The following CYP2F1 variants were observed in gnomAD, a reference collection of about 807,000 sequenced individuals.
CYP2F1 encodes cytochrome P450 2F1.
CYP2F1 carries 33 observed loss-of-function variants against 40.4 expected under a neutral mutation model. The observed-to-expected ratio is 0.82, with a 90% CI of 0.62 to 1.09. CYP2F1 has a LOEUF of 1.09. Ranked by LOEUF, CYP2F1 falls within the 50% of genes least tolerant of loss-of-function variation. CYP2F1 has a pLI of 0.00. For missense variants in CYP2F1, 566 were observed against 655.7 expected, an observed-to-expected ratio of 0.86 and a Z score of 1.49; for synonymous variants, 235 against 277.2, an observed-to-expected ratio of 0.85 and a Z score of 1.51.
intron 7 of CYP2F1, chr19:41,123,372 C>A (rs1158308955): frequency 8.5e-6 from 3 of 352,344 alleles, no homozygotes; most frequent in African/African-American, 6.4e-5. Context: ...ATTACACCAC[C>A]ACATCCAGCT....
At chr19:41,115,097 G>A (rs777274117) in intron 1 of CYP2F1, among the ~76,000 whole-genome samples, 1 of 151,432 alleles carries the variant, frequency 6.6e-6, no homozygotes, top group Non-Finnish European at 1.5e-5. Context: ...GCCCTTTGCA[G>A]CCTACCCGTC....
intron 9 of CYP2F1, among the ~76,000 whole-genome samples, chr19:41,127,192 C>G (rs946950826): frequency 6.6e-6 from 1 of 152,132 alleles, no homozygotes; most frequent in Non-Finnish European, 1.5e-5. Flanking sequence ...GGAGATAATA[C>G]TAAGGCCTGC....
intron 8 of CYP2F1, 166 bp downstream of exon 8, chr19:41,125,072 C>G: frequency 3.2e-6 from 2 of 631,090 alleles, no homozygotes; most frequent in Non-Finnish European, 5.3e-6. Context: ...TCCAGAAGCT[C>G]AGGCCTTTGC....
chr19:41,126,412 C>A (rs1487401481), intron 9 of CYP2F1, among the ~76,000 whole-genome samples: 1 of 151,314 alleles, frequency 6.6e-6, no homozygotes, highest in African/African-American at 2.4e-5. Flanking sequence ...GCAACAAGAA[C>A]AAAACTCCAT....
At chr19:41,121,201 A>G (rs116692516) in intron 4 of CYP2F1, among the ~76,000 whole-genome samples, 46 of 152,164 alleles carry the variant, frequency 3.0e-4, no homozygotes, top group African/African-American at 1.1e-3. Context: ...TGTGTTGCCA[A>G]GAATAGCCCG....
At chr19:41,122,643 T>G (rs879759521) in intron 6 of CYP2F1, among the ~76,000 whole-genome samples, 179 bp from the exon 7 acceptor site, 8 of 152,058 alleles carry the variant, frequency 5.3e-5, no homozygotes, top group Non-Finnish European at 8.8e-5. Context: ...TCCAAGAAGT[T>G]AATTGTAGGC....
At position 41,122,234 on chromosome 19, in the gene CYP2F1, A is replaced by T. The variant is rs566800420; in HGVS notation, c.822+101A>T. 16 of 1,134,136 alleles carry T rather than the reference A, an allele frequency of 1.4e-5. No homozygotes were observed. The South Asian group carries it at 2.2e-4, about 15-fold the overall frequency. The allele number at this position is 1,134,136 out of a possible 1,614,324, so 70.3% of individuals were successfully genotyped here. A position where few individuals can be genotyped will look rare whatever the true frequency, so the allele number is the denominator to read the frequency against. On this transcript the variant is annotated intron_variant, in intron 6 of 9. Transcript: ENST00000331105. ...ACCCCAGATGGGGCAGGGTTGGGGGACCTTCTCCCTGGAGAAGCTGAAGCA... is the reference window on the plus strand; with the variant it reads ...ACCCCAGATGGGGCAGGGTTGGGGGTCCTTCTCCCTGGAGAAGCTGAAGCA...
Position 41,122,900 on chromosome 19 carries a change from A to T in CYP2F1, c.901A>T (p.Lys301Ter). The change falls in exon 7 of 10, where the codon AAG becomes TAG. Residue 301 changes from lysine (K) to a stop codon, truncating the protein, a stop_gained. Transcript: ENST00000331105. LOFTEE classifies it high-confidence loss of function. ...TTHNLLFGGT[K>*]TVSTTLHHAF... ...ACATAACCTGCTCTTTGGCGGCACC[A>T]AGACGGTGAGCACCACGCTGCACCA... 1 of 1,607,444 alleles carries T rather than the reference A, an allele frequency of 6.2e-7. No homozygotes were observed. The highest frequency in any genetic ancestry group is 1.1e-5 in the South Asian group (1 of 90,126).
rs747217507 is a variant in CYP2F1, at chr19:41,122,039, A to G, written c.728A>G (p.Asp243Gly). Reference sequence around the variant, plus strand: ...TTCCAGAACTTCAAGTGCCTGAGAGACCTCATCGCCCACAGCGTCCACGAC... The same window carrying G: ...TTCCAGAACTTCAAGTGCCTGAGAGGCCTCATCGCCCACAGCGTCCACGAC... ...RIFQNFKCLR[D>G]LIAHSVHDHQ... The change falls in exon 6 of 10, where the codon GAC becomes GGC. Residue 243 changes from aspartate (D) to glycine (G), a missense_variant. Around this residue, in one of 5 missense-constraint regions of CYP2F1, gnomAD observed 62 missense variants for 105.6 expected, o/e 0.59. Coordinates refer to ENST00000331105, the MANE Select transcript of CYP2F1 (RefSeq NM_000774.5). The G allele has an allele frequency of 3.1e-6, 5 of 1,612,138 alleles. No homozygotes were observed. The highest frequency in any genetic ancestry group is 1.3e-5 in the African/African-American group (1 of 74,216).
rs1486324494 is a variant in CYP2F1, at chr19:41,124,746, T to TG, written c.994dup (p.Val332GlyfsTer42). On this transcript the variant is annotated frameshift_variant, in exon 8 of 10. Coordinates refer to ENST00000331105, the MANE Select transcript of CYP2F1 (RefSeq NM_000774.5). LOFTEE classifies it high-confidence loss of function. ...CGCGTGCAGGAGGAGATCGACCTCGTGGTGGGACGCGCGCGGCTGCCGGCG... is the reference window on the plus strand; with the variant it reads ...CGCGTGCAGGAGGAGATCGACCTCGTGGGTGGGACGCGCGCGGCTGCCGGCG... The TG allele has an allele frequency of 1.2e-6, 2 of 1,605,092 alleles. No homozygotes were observed. Among genetic ancestry groups the TG allele is most frequent in the Non-Finnish European group, 1.7e-6 (2 of 1,179,396 alleles).
rs186744518 is a variant in CYP2F1, at chr19:41,122,021, A to T, written c.710A>T (p.Asn237Ile). 112 of 1,612,926 alleles carry T rather than the reference A, an allele frequency of 6.9e-5. 1 individual carries two copies. In the Admixed American group the frequency reaches 1.8e-3, roughly 25 times the overall value. Reference sequence around the variant, plus strand: ...GGGCCGCACCAACGCATCTTCCAGAACTTCAAGTGCCTGAGAGACCTCATC... The same window carrying T: ...GGGCCGCACCAACGCATCTTCCAGATCTTCAAGTGCCTGAGAGACCTCATC... ...VPGPHQRIFQ[N>I]FKCLRDLIAH... Residue 237 changes from asparagine to isoleucine, a missense_variant, in exon 6 of 10, where the codon AAC becomes ATC. By Grantham distance (149) the Asn-to-Ile change is moderately radical (BLOSUM62 -3). Transcript: ENST00000331105.
At position 41,114,816 on chromosome 19, in the gene CYP2F1, C is replaced by G. The variant is rs367902798; in HGVS notation, c.-12+324C>G. On this transcript the variant is annotated intron_variant, in intron 1 of 9. Coordinates refer to ENST00000331105, the MANE Select transcript of CYP2F1 (RefSeq NM_000774.5). Reference sequence around the variant, plus strand: ...TTTTTTTTTTTTTTTTTTTTTGAGGCTGGAGTGCAGTGGTTCAATCTCAGC... The same window carrying G: ...TTTTTTTTTTTTTTTTTTTTTGAGGGTGGAGTGCAGTGGTTCAATCTCAGC... Among the ~76,000 whole-genome samples, 52 of 106,324 alleles carry G rather than the reference C, an allele frequency of 4.9e-4. 1 individual carries two copies. The highest frequency in any genetic ancestry group is 1.7e-3 in the African/African-American group (45 of 27,006). 69.8% of individuals were successfully genotyped at this position (106,324 alleles called of 152,430 possible).
At chr19:41,122,473 C>T (rs2032274024) in intron 6 of CYP2F1, among the ~76,000 whole-genome samples, 1 of 151,966 alleles carries the variant, frequency 6.6e-6, no homozygotes, top group South Asian at 2.1e-4. Flanking sequence ...CTCTACAACA[C>T]ATACGTACAC....
chr19:41,121,312 C>G (rs2144754006), intron 4 of CYP2F1, 146 bp from the exon 5 acceptor site: 1 of 819,202 alleles, frequency 1.2e-6, no homozygotes, highest in Non-Finnish European at 1.9e-6. Flanking sequence ...CGTTAAGCAG[C>G]ATGTTGTGAC....
At position 41,119,748 on chromosome 19, in the gene CYP2F1, T is replaced by TATATATATATATATAC. The variant is rs1337166345; in HGVS notation, c.335-598_335-597insTATATATATATATACA. ...CTATATATATATATATATATATATA[T>TATATATATATATATAC]ACACACACACACACACACACACACA... On this transcript the variant is annotated intron_variant, in intron 3 of 9. Coordinates refer to ENST00000331105, the MANE Select transcript of CYP2F1 (RefSeq NM_000774.5). Among the ~76,000 whole-genome samples, 30 of 36,092 alleles carry TATATATATATATATAC rather than the reference T, an allele frequency of 8.3e-4. 1 individual carries two copies. The highest frequency in any genetic ancestry group is 1.7e-3 in the South Asian group (1 of 578). The allele number at this position is 36,092 out of a possible 152,430, so 23.7% of individuals were successfully genotyped here. A position where few individuals can be genotyped will look rare whatever the true frequency, so the allele number is the denominator to read the frequency against.
intron 3 of CYP2F1, among the ~76,000 whole-genome samples, chr19:41,119,735 A>C (rs1172193881): frequency 1.6e-4 from 10 of 63,842 alleles, no homozygotes; most frequent in African/African-American, 1.8e-4. Flanking sequence ...ATATATATAT[A>C]TATATATATA....
intron 7 of CYP2F1, among the ~76,000 whole-genome samples, chr19:41,124,203 C>CT (rs1415453310): frequency 6.7e-6 from 1 of 149,890 alleles, no homozygotes; most frequent in Non-Finnish European, 1.5e-5. Context: ...CACTGACCCA[C>CT]TTCCTCCCAG....
At chr19:41,115,808 G>C (rs1324515482) in intron 1 of CYP2F1, among the ~76,000 whole-genome samples, 3 of 151,426 alleles carry the variant, frequency 2.0e-5, no homozygotes, top group Non-Finnish European at 4.4e-5. Flanking sequence ...AGGAAGGAAG[G>C]AAAGAAAGAG....
At chr19:41,118,509 C>T (rs2031953816) in intron 3 of CYP2F1, among the ~76,000 whole-genome samples, 1 of 150,822 alleles carries the variant, frequency 6.6e-6, no homozygotes, top group Non-Finnish European at 1.5e-5. Context: ...GTATTAGGTA[C>T]ACGTTCCATC....
Sources: gnomAD v4.1 joint callset for allele counts (sites outside exome capture counted in the v4.1 genomes callset) on GRCh38, gnomAD v4.1.1 for gene constraint, gnomAD v4.1.1 regional missense constraint, MANE v1.5 for transcripts, NCBI Gene and HGNC (gene_info 2026-07-23, HGNC 2026-07-21) for gene names.